Variants in RBFOX1 observed in about 807,000 individuals in gnomAD.
RBFOX1 encodes the protein RNA binding protein fox-1 homolog 1.
RBFOX1 carries 8 observed loss-of-function variants against 57.7 expected under a neutral mutation model. The ratio of observed to expected loss-of-function variants is 0.14; its 90% CI spans 0.08 to 0.25. The LOEUF is 0.25. Among genes scored for constraint, RBFOX1 ranks in the 10% least tolerant of loss-of-function variants. The pLI is 1.00. For synonymous variants in RBFOX1, 326 were observed against 222.4 expected (o/e 1.47, Z -4.15); for missense variants, 611 against 548.5 (o/e 1.11, Z -1.14).
chr16:6,483,414 C>A, intron 2 of RBFOX1: 1 of 1,535,078 alleles, frequency 6.5e-7, no homozygotes, highest in Admixed American at 2.0e-5. Flanking sequence ...ACATTGCTAG[C>A]ACGTGGGTGC....
chr16:7,240,683 T>A (rs574561689), intron 4 of RBFOX1, among the ~76,000 whole-genome samples: 1 of 152,224 alleles, frequency 6.6e-6, no homozygotes, highest in East Asian at 1.9e-4. Context: ...GTCTCCTGAG[T>A]AGCTAGGACT....
chr16:5,418,967 G>A (rs1233907565), intron 1 of RBFOX1, among the ~76,000 whole-genome samples: 1 of 152,168 alleles, frequency 6.6e-6, no homozygotes, highest in Non-Finnish European at 1.5e-5. Context: ...ATCTAGTTGA[G>A]GCCTGAACTG....
At chr16:7,629,014 G>A (rs1596835110) in intron 10 of RBFOX1, among the ~76,000 whole-genome samples, 1 of 152,190 alleles carries the variant, frequency 6.6e-6, no homozygotes, top group African/African-American at 2.4e-5. Context: ...ACCCAGAGAA[G>A]GTTAGTTAAT....
intron 4 of RBFOX1, among the ~76,000 whole-genome samples, chr16:7,226,548 A>G (rs1477933072): frequency 6.6e-6 from 1 of 152,152 alleles, no homozygotes; most frequent in Admixed American, 6.5e-5. Flanking sequence ...AAATTCTCTC[A>G]ATGGTGCCTC....
At chr16:5,301,011 G>C (rs1399518231) in intron 1 of RBFOX1, among the ~76,000 whole-genome samples, 2 of 152,098 alleles carry the variant, frequency 1.3e-5, no homozygotes, top group Admixed American at 6.5e-5. Context: ...GCTTCCAGTA[G>C]CCTCTGCCTC....
intron 4 of RBFOX1, among the ~76,000 whole-genome samples, chr16:7,371,882 C>G (rs1273903139): frequency 8.6e-5 from 13 of 151,800 alleles, no homozygotes; most frequent in Admixed American, 8.5e-4. Context: ...CTTAATTTCA[C>G]TTGATGATAT....
At chr16:5,812,273 A>T (rs1028558938) in intron 3 of RBFOX1, among the ~76,000 whole-genome samples, 1 of 152,162 alleles carries the variant, frequency 6.6e-6, no homozygotes, top group African/African-American at 2.4e-5. Flanking sequence ...GCCTTTGGAC[A>T]TGTGCTTTTC....
At chr16:6,697,590 C>T (rs533363396) in intron 3 of RBFOX1, among the ~76,000 whole-genome samples, 430 of 152,316 alleles carry the variant, frequency 2.8e-3, no homozygotes, top group Non-Finnish European at 5.0e-3. Flanking sequence ...TATCCTGGAA[C>T]TGGTTTCTGT....
chr16:6,428,423 C>T (rs892283419), intron 2 of RBFOX1, among the ~76,000 whole-genome samples: 10 of 151,168 alleles, frequency 6.6e-5, no homozygotes, highest in Non-Finnish European at 1.2e-4. Context: ...GAATACAAAA[C>T]TAATGTATGT....
At chr16:5,366,698 A>T in intron 1 of RBFOX1, 3 of 402,726 alleles carry the variant, frequency 7.4e-6, no homozygotes. Flanking sequence ...TAAGAAAATC[A>T]TTTAAACAAT....
chr16:6,019,372 C>G lies in RBFOX1; in HGVS notation c.-747C>G, dbSNP rs2095025023. The G allele has an allele frequency of 1.0e-6, 1 of 985,496 alleles. No individual in the cohort carries two copies. The highest frequency in any genetic ancestry group is 1.2e-6 in the Non-Finnish European group (1 of 830,146). The allele number at this position is 985,496 out of a possible 1,614,324, so 61.0% of individuals were successfully genotyped here. A position where few individuals can be genotyped will look rare whatever the true frequency, so the allele number is the denominator to read the frequency against. ...GCCAGAGTCGGTGGGACTGGCTGCG[C>G]TGCCCTGAAGTGGTTCTCCAAGCAG... On this transcript the variant is annotated 5_prime_UTR_variant, in exon 1 of 16. Coordinates refer to ENST00000550418, the MANE Select transcript of RBFOX1 (RefSeq NM_018723.4). This position sits in a 1 kb window ranked among gnomAD's most constrained non-coding sequence, Gnocchi z 4.2.
At chr16:5,294,888 G>C (rs2063624563) in intron 1 of RBFOX1, among the ~76,000 whole-genome samples, 1 of 151,272 alleles carries the variant, frequency 6.6e-6, no homozygotes, top group Non-Finnish European at 1.5e-5. Flanking sequence ...AAATTAGCTG[G>C]GTGTGGTGGT....
intron 3 of RBFOX1, among the ~76,000 whole-genome samples, chr16:5,795,142 G>A (rs541895558): frequency 4.6e-5 from 7 of 152,184 alleles, no homozygotes; most frequent in African/African-American, 1.7e-4. Flanking sequence ...GATCAGTAGC[G>A]ATGGATCTGA....
In RBFOX1 at chr16:5,488,346, C is replaced by T. The variant is rs557592229; in HGVS notation, c.258+21092C>T. On this transcript the variant is annotated intron_variant, in intron 2 of 2. Coordinates refer to the RBFOX1 transcript ENST00000585867. ...GATGGATAATGATAGAGATGAAAGA[C>T]AGTGGTGATGGCAGATGATGGTGAT... 2.0e-3 allele frequency among the ~76,000 whole-genome samples: 276 copies of T among 134,644 alleles called. 5 individuals carry two copies. Among genetic ancestry groups the T allele is most frequent in the African/African-American group, 7.4e-3 (259 of 35,006 alleles). The allele number at this position is 134,644 out of a possible 152,430, so 88.3% of individuals were successfully genotyped here. A position where few individuals can be genotyped will look rare whatever the true frequency, so the allele number is the denominator to read the frequency against.
chr16:6,566,031 T>G (rs566983016), intron 2 of RBFOX1, among the ~76,000 whole-genome samples: 2 of 152,246 alleles, frequency 1.3e-5, no homozygotes, highest in African/African-American at 4.8e-5. Flanking sequence ...ACACCTCTTC[T>G]GCGATTACCA....
At chr16:6,826,946 T>A (rs192820756) in intron 3 of RBFOX1, among the ~76,000 whole-genome samples, 1 of 152,224 alleles carries the variant, frequency 6.6e-6, no homozygotes, top group Admixed American at 6.5e-5. Flanking sequence ...ATGGAAGAAA[T>A]AGGTGAGGAT....
intron 2 of RBFOX1, among the ~76,000 whole-genome samples, chr16:5,550,956 G>T (rs1037575086): frequency 5.3e-5 from 8 of 152,172 alleles, no homozygotes; most frequent in East Asian, 1.9e-4. Context: ...GCAAGGGAAG[G>T]TTAAGCCTTG....
At chr16:5,893,886 A>C (rs2058100100) in intron 4 of RBFOX1, among the ~76,000 whole-genome samples, 2 of 152,184 alleles carry the variant, frequency 1.3e-5, no homozygotes, top group Non-Finnish European at 2.9e-5. Context: ...AACATAAACA[A>C]GTAAAGTGTG....
At chr16:6,514,311 C>T (rs1002703870) in intron 2 of RBFOX1, among the ~76,000 whole-genome samples, 6 of 152,132 alleles carry the variant, frequency 3.9e-5, no homozygotes, top group African/African-American at 1.4e-4. Context: ...AATCTGGCTT[C>T]CCGAGAGTCT....
Sources: allele counts gnomAD v4.1 joint callset (sites outside exome capture counted in the v4.1 genomes callset), GRCh38; gene constraint gnomAD v4.1.1; non-coding constraint Gnocchi (gnomAD v3.1); transcripts MANE v1.5; gene names NCBI Gene and HGNC (gene_info 2026-07-23, HGNC 2026-07-21).